Variants in TRPM6 observed in about 807,000 individuals in gnomAD.
The protein encoded by TRPM6 is channel kinase 2.
TRPM6 carries 111 observed loss-of-function variants against 247.6 expected under a neutral mutation model. The observed-to-expected ratio is 0.45, with a 90% CI of 0.38 to 0.52. TRPM6 has a LOEUF of 0.52. Ranked by LOEUF, TRPM6 falls within the 20% of genes least tolerant of loss-of-function variation. The pLI is 0.00. For missense variants in TRPM6, 2,126 were observed against 2,421.5 expected, an observed-to-expected ratio of 0.88 and a Z score of 2.56; for synonymous variants, 892 against 853.8, an observed-to-expected ratio of 1.04 and a Z score of -0.78.
chr9:74,748,016 A>G (rs1826111064), intron 30 of TRPM6, 102 bp from the exon 31 acceptor site: 1 of 1,064,014 alleles, frequency 9.4e-7, no homozygotes, highest in South Asian at 1.3e-5. Flanking sequence ...CACAAAGTAT[A>G]TATTTTATAT....
rs1825810445 is a variant in TRPM6, at chr9:74,739,983, A to G, written c.5227T>C (p.Leu1743=). ...FAGEEITVYR[L]EESSPLNLDK... ...AGGTTTAAAGGGGAACTCTCCTCCA[A>G]CCTGTAGACAGTTATTTCTTCTCCT... is the stretch of plus-strand genomic sequence containing the variant. Residue 1743 remains leucine (L), a synonymous_variant, in exon 34 of 39, where the codon TTG becomes CTG. Transcript: ENST00000360774. 13 of 1,613,976 alleles carry G rather than the reference A, an allele frequency of 8.1e-6. No individual in the cohort carries two copies. The highest frequency in any genetic ancestry group is 1.3e-5 in the African/African-American group (1 of 74,918).
chr9:74,809,286 T>G (rs1587530065), intron 13 of TRPM6, among the ~76,000 whole-genome samples: 1 of 152,212 alleles, frequency 6.6e-6, no homozygotes, highest in African/African-American at 2.4e-5. Flanking sequence ...AAAATTATTT[T>G]GACTACTTAA....
At chr9:74,788,795 T>C (rs1587506940) in intron 19 of TRPM6, 53 bp from the exon 20 acceptor site, 4 of 1,605,732 alleles carry the variant, frequency 2.5e-6, no homozygotes, top group East Asian at 2.2e-5. Context: ...GCATGGAGCA[T>C]GCCAAGGAGA....
chr9:74,809,546 C>A (rs1163306004), intron 13 of TRPM6, among the ~76,000 whole-genome samples: 3 of 152,028 alleles, frequency 2.0e-5, no homozygotes, highest in Non-Finnish European at 4.4e-5. Flanking sequence ...CTAGTTAGAA[C>A]ATATTTAACC....
intron 1 of TRPM6, among the ~76,000 whole-genome samples, chr9:74,869,234 G>A (rs374889841): frequency 6.6e-6 from 1 of 152,022 alleles, no homozygotes; most frequent in East Asian, 1.9e-4. Context: ...ACTTTGGGAG[G>A]CCGAGGCAGG....
intron 25 of TRPM6, 151 bp from the exon 26 acceptor site, chr9:74,763,285 C>T: frequency 1.3e-6 from 1 of 761,304 alleles, no homozygotes. Flanking sequence ...TCGCCCAATA[C>T]ATAACTCTCA....
chr9:74,824,358 G>T (rs894218489), intron 7 of TRPM6, among the ~76,000 whole-genome samples: 31 of 151,332 alleles, frequency 2.0e-4, no homozygotes, highest in Non-Finnish European at 4.0e-4. Flanking sequence ...CACCATGTTG[G>T]CCAGGCTGGA....
chr9:74,750,809 G>C (rs1563996752), intron 29 of TRPM6, 87 bp from the exon 30 acceptor site: 1 of 1,188,060 alleles, frequency 8.4e-7, no homozygotes, highest in Non-Finnish European at 1.3e-6. Context: ...CACGCTCCTT[G>C]GAGAATCCTT....
intron 3 of TRPM6, among the ~76,000 whole-genome samples, chr9:74,851,848 G>T (rs1830329339): frequency 6.6e-6 from 1 of 150,428 alleles, no homozygotes; most frequent in South Asian, 2.1e-4. Flanking sequence ...TTTAAGTATT[G>T]CAATATAGTC....
At chr9:74,799,077 A>G (rs1273479425) in intron 17 of TRPM6, among the ~76,000 whole-genome samples, 2 of 152,156 alleles carry the variant, frequency 1.3e-5, no homozygotes, top group Non-Finnish European at 2.9e-5. Context: ...CAAGGGTGCA[A>G]TCAAAGCAAA....
At chr9:74,737,395 C>G in intron 36 of TRPM6, 8 of 1,289,766 alleles carry the variant, frequency 6.2e-6, no homozygotes, top group Non-Finnish European at 8.1e-6. Context: ...CTGCTTATCT[C>G]TACATTCTCC....
At chr9:74,786,665 G>A (rs753336685) in intron 20 of TRPM6, among the ~76,000 whole-genome samples, 18 of 152,164 alleles carry the variant, frequency 1.2e-4, no homozygotes, top group Non-Finnish European at 2.4e-4. Context: ...GCATGAACCC[G>A]GGAGGCGGAG....
chr9:74,750,434 G>A (rs957815163), intron 30 of TRPM6, among the ~76,000 whole-genome samples: 1 of 152,108 alleles, frequency 6.6e-6, no homozygotes, highest in African/African-American at 2.4e-5. Context: ...TTTGTTGTAG[G>A]AGTATGTGTT....
At chr9:74,836,324 A>C (rs957899024) in intron 5 of TRPM6, among the ~76,000 whole-genome samples, 2 of 152,172 alleles carry the variant, frequency 1.3e-5, no homozygotes, top group African/African-American at 4.8e-5. Flanking sequence ...CTGACCTTAT[A>C]TGTGTCATTA....
At chr9:74,779,584 G>C (rs1212768983) in intron 23 of TRPM6, among the ~76,000 whole-genome samples, 1 of 152,148 alleles carries the variant, frequency 6.6e-6, no homozygotes, top group Non-Finnish European at 1.5e-5. Context: ...ACCTAGCACA[G>C]TGCCTGACAG....
In TRPM6 at chr9:74,723,407, TGA is replaced by T; in HGVS notation, c.*1204_*1205del. The stretch of plus-strand genomic sequence containing the variant: ...GAAGGAGGAGTGGTGTTTTACAGGT[TGA>T]GTTAGTCAACTCCTAACTAATAGTA... On this transcript the variant is annotated 3_prime_UTR_variant, in exon 39 of 39. Coordinates refer to ENST00000360774, the MANE Select transcript of TRPM6 (RefSeq NM_017662.5). The T allele has an allele frequency of 6.6e-6, 1 of 151,996 alleles. No individual in the cohort carries two copies. The highest frequency in any genetic ancestry group is 2.1e-4 in the South Asian group (1 of 4,812). The allele number at this position is 151,996 out of a possible 1,614,324, so 9.4% of individuals were successfully genotyped here.
intron 7 of TRPM6, chr9:74,826,759 G>A (rs1236328656): frequency 1.4e-4 from 16 of 113,900 alleles, no homozygotes; most frequent in Non-Finnish European, 6.7e-5. Context: ...TTTTTTTTGA[G>A]ACAGAGTCTT....
intron 19 of TRPM6, among the ~76,000 whole-genome samples, chr9:74,791,498 AT>A (rs1307283097): frequency 6.6e-6 from 1 of 152,168 alleles, no homozygotes; most frequent in Non-Finnish European, 1.5e-5. Flanking sequence ...ACGGAAAAAA[AT>A]ATTTAAAAAA....
chr9:74,803,691 T>G, intron 15 of TRPM6, 103 bp downstream of exon 15: 1 of 845,416 alleles, frequency 1.2e-6, no homozygotes, highest in Non-Finnish European at 2.1e-6. Flanking sequence ...CACTTATAAA[T>G]GGTCCCTCTA....
Sources: allele counts gnomAD v4.1 joint callset (sites outside exome capture counted in the v4.1 genomes callset), GRCh38; gene constraint gnomAD v4.1.1; transcripts MANE v1.5; gene names NCBI Gene and HGNC (gene_info 2026-07-23, HGNC 2026-07-21).